Variants in C1QTNF12 observed in about 807,000 individuals in gnomAD.
The protein encoded by C1QTNF12 is adipolin.
C1QTNF12 carries 39 observed loss-of-function variants against 34.3 expected under a neutral mutation model. The ratio of observed to expected loss-of-function variants is 1.14; its 90% CI spans 0.88 to 1.49. The LOEUF is 1.49. Among genes scored for constraint, C1QTNF12 ranks in the 40% most tolerant of loss-of-function variants. The pLI is 0.00. For missense variants in C1QTNF12, 497 were observed against 424.7 expected, an observed-to-expected ratio of 1.17 and a Z score of -1.50; for synonymous variants, 220 against 196.9, an observed-to-expected ratio of 1.12 and a Z score of -0.98.
rs754852890 is a variant in C1QTNF12, at chr1:1,242,639, T to C, written c.818A>G (p.Gln273Arg). 1.3e-6 allele frequency: 2 copies of C among 1,590,886 alleles called. No individual in the cohort carries two copies. Among genetic ancestry groups the C allele is most frequent in the South Asian group, 1.1e-5 (1 of 88,148 alleles). Residue 273 changes from glutamine (Q) to arginine (R), a missense_variant, in exon 8 of 8, where the codon CAG (glutamine) becomes CGG (arginine). Gln to Arg is a conservative substitution (Grantham distance 43). Coordinates refer to ENST00000330388, the MANE Select transcript of C1QTNF12 (RefSeq NM_001014980.3). ...ATTGTCCACAAACACAGAAGCGTAC[T>C]GTCCAGCCTGTAAGAAGCACGGGGA... ...VQGLLQLQAG[Q>R]YASVFVDNGS...
At chr1:1,242,679 C>T in intron 7 of C1QTNF12, 33 bp from the exon 8 acceptor site, 1 of 1,571,676 alleles carries the variant, frequency 6.4e-7, no homozygotes, top group South Asian at 1.1e-5. Flanking sequence ...ACAACCGCAG[C>T]CACAGCCCAG....
In C1QTNF12 at chr1:1,244,061, G is replaced by A; in HGVS notation, c.424C>T (p.Pro142Ser). 1 of 1,598,122 alleles carries A rather than the reference G, an allele frequency of 6.3e-7. No homozygotes were observed. Among genetic ancestry groups the A allele is most frequent in the African/African-American group, 1.3e-5 (1 of 74,558 alleles). Residue 142 changes from proline to serine, a missense_variant, in exon 4 of 8, where the codon CCC becomes TCC. Transcript: ENST00000330388. ...RFSGLLDPLL[P>S]QGAGLRLVGE... is the part of the protein sequence containing the mutation. ...ACCAGCCGCAGGCCCGCCCCCTGGGGCAGCAGCGGGTCCAGAAGCCCTGAG... is the reference window on the plus strand; with the variant it reads ...ACCAGCCGCAGGCCCGCCCCCTGGGACAGCAGCGGGTCCAGAAGCCCTGAG...
intron 5 of C1QTNF12, 82 bp from the exon 6 acceptor site, chr1:1,243,234 A>G (rs950753849): frequency 1.8e-6 from 2 of 1,107,268 alleles, no homozygotes; most frequent in Non-Finnish European, 2.6e-6. Flanking sequence ...CACACATCCC[A>G]GGACAGGCCC....
Position 1,244,241 on chromosome 1 carries a change from G to C in C1QTNF12, c.329C>G (p.Ala110Gly), listed in dbSNP as rs1638820472. The C allele has an allele frequency of 6.3e-7, 1 of 1,598,038 alleles. No individual in the cohort carries two copies. Among genetic ancestry groups the C allele is most frequent in the Non-Finnish European group, 8.5e-7 (1 of 1,172,330 alleles). ...DLFGPPGPPG[A>G]EVTAETLLHE... Reference sequence around the variant, plus strand: ...AAGCAGAGTCTCCGCGGTCACTTCTGCACCTGGAGGTCCTGGGGGACCGAA... The same window carrying C: ...AAGCAGAGTCTCCGCGGTCACTTCTCCACCTGGAGGTCCTGGGGGACCGAA... The change falls in exon 3 of 8, where the codon GCA (alanine) becomes GGA (glycine). Residue 110 changes from alanine to glycine, a missense_variant. Physicochemically the swap from Ala to Gly is moderately conservative, Grantham distance 60 (BLOSUM62 0). Coordinates refer to ENST00000330388, the MANE Select transcript of C1QTNF12 (RefSeq NM_001014980.3).
At chr1:1,243,251 G>A in intron 5 of C1QTNF12, 99 bp from the exon 6 acceptor site, 1 of 1,073,374 alleles carries the variant, frequency 9.3e-7, no homozygotes, top group Non-Finnish European at 1.3e-6. Context: ...GCCCAGGAGT[G>A]GCTGCTGGGG....
chr1:1,244,461 G>A lies in C1QTNF12; in HGVS notation c.214C>T (p.His72Tyr), dbSNP rs746958331. The A allele has an allele frequency of 1.2e-6, 2 of 1,611,884 alleles. No individual in the cohort carries two copies. The highest frequency in any genetic ancestry group is 2.2e-5 in the South Asian group (2 of 91,086). ...CGGACAAAGTTCAGCCATGTCATGT[G>A]GGCGTCGGAGAACTCAGGTCCTGAG... ...QASGPEFSDA[H>Y]MTWLNFVRRP... Residue 72 changes from histidine to tyrosine, a missense_variant, in exon 2 of 8, where the codon CAC becomes TAC. Transcript: ENST00000330388.
chr1:1,244,571 G>T, intron 1 of C1QTNF12, 74 bp from the exon 2 acceptor site: 1 of 1,148,420 alleles, frequency 8.7e-7, no homozygotes, highest in Non-Finnish European at 1.3e-6. Flanking sequence ...GCAGCGGGGA[G>T]CACTCAGGGC....
At position 1,244,474 on chromosome 1, in the gene C1QTNF12, C is replaced by T; in HGVS notation, c.201G>A (p.Glu67=). The part of the protein sequence containing the change: ...APKPSQASGP[E]FSDAHMTWLN... ...GCCATGTCATGTGGGCGTCGGAGAA[C>T]TCAGGTCCTGAGGCCTGGGATGGCT... The change falls in exon 2 of 8, where the codon GAG becomes GAA. Residue 67 remains glutamate, a synonymous_variant. Transcript: ENST00000330388. 6.2e-7 allele frequency: 1 copy of T among 1,611,816 alleles called. No individual in the cohort carries two copies. Among genetic ancestry groups the T allele is most frequent in the Admixed American group, 1.7e-5 (1 of 59,974 alleles).
At chr1:1,244,706 G>A (rs902111577) in intron 1 of C1QTNF12, 2 of 559,952 alleles carry the variant, frequency 3.6e-6, no homozygotes, top group Non-Finnish European at 6.4e-6. Context: ...CACAGCCAGA[G>A]CCTGATGCCC....
Position 1,245,445 on chromosome 1 carries a change from TG to T in C1QTNF12, c.178-949del, listed in dbSNP as rs539386920. Among the ~76,000 whole-genome samples the T allele has an allele frequency of 4.3e-4, 65 of 150,234 alleles. No individual in the cohort carries two copies. In the South Asian group the frequency reaches 6.0e-3, roughly 14 times the overall value. On this transcript the variant is annotated intron_variant, in intron 1 of 7. Coordinates refer to ENST00000330388, the MANE Select transcript of C1QTNF12 (RefSeq NM_001014980.3). Reference sequence around the variant, plus strand: ...AGGCTGCAGGAGAACCGCCCAACCCTGGAAGCCTGGAGGGCCAGCCTGAGCA... The same window carrying T: ...AGGCTGCAGGAGAACCGCCCAACCCTGAAGCCTGGAGGGCCAGCCTGAGCA...
Position 1,246,471 on chromosome 1 carries a change from C to T in C1QTNF12, c.177+43G>A. ...GGAGGACGCCCCAGAGCCCCAGCTC[C>T]GAAGCTGCCCCGCGAGGGCCCACGT... On this transcript the variant is annotated intron_variant, in intron 1 of 7. Transcript: ENST00000330388. The surrounding 1 kb of genome is among the most constrained non-coding windows in gnomAD (Gnocchi z 4.5). The T allele has an allele frequency of 1.6e-6, 2 of 1,227,380 alleles. No homozygotes were observed. The highest frequency in any genetic ancestry group is 2.0e-6 in the Non-Finnish European group (2 of 984,390). The allele number at this position is 1,227,380 out of a possible 1,614,324, so 76.0% of individuals were successfully genotyped here. A position where few individuals can be genotyped will look rare whatever the true frequency, so the allele number is the denominator to read the frequency against.
intron 1 of C1QTNF12, 68 bp from the exon 2 acceptor site, chr1:1,244,565 C>T (rs544025057): frequency 5.5e-5 from 67 of 1,228,000 alleles, no homozygotes; most frequent in African/African-American, 1.6e-4. Flanking sequence ...CCCAGGGCAG[C>T]GGGGAGCACT....
At chr1:1,247,203 C>T (rs1035717414), upstream of C1QTNF12, among the ~76,000 whole-genome samples, 7 of 152,140 alleles carry the variant, frequency 4.6e-5, no homozygotes, top group African/African-American at 1.7e-4. Context: ...CTCAACCTGG[C>T]TCCCCTCACA....
At chr1:1,242,794 G>C in intron 7 of C1QTNF12, 41 bp downstream of exon 7, 1 of 1,605,950 alleles carries the variant, frequency 6.2e-7, no homozygotes, top group Non-Finnish European at 8.5e-7. Flanking sequence ...CCCAGCCCGA[G>C]TGCACCCGAG....
At chr1:1,243,849 C>A in intron 4 of C1QTNF12, 105 bp downstream of exon 4, 2 of 1,422,798 alleles carry the variant, frequency 1.4e-6, no homozygotes, top group South Asian at 1.3e-5. Flanking sequence ...CGCCCCCAGC[C>A]CCCAACCCAC....
At position 1,246,154 on chromosome 1, in the gene C1QTNF12, C is replaced by A. The variant is rs1638886377; in HGVS notation, c.177+360G>T. ...TCTGGTGAACCATCCAGCAAGCAGCCGGAACCACCCCACCCCCGCCCCCAA... is the reference window on the plus strand; with the variant it reads ...TCTGGTGAACCATCCAGCAAGCAGCAGGAACCACCCCACCCCCGCCCCCAA... On this transcript the variant is annotated intron_variant, in intron 1 of 7. Transcript: ENST00000330388. The surrounding 1 kb of genome is among the most constrained non-coding windows in gnomAD (Gnocchi z 4.5). Among the ~76,000 whole-genome samples the A allele has an allele frequency of 2.6e-5, 4 of 151,988 alleles. No individual in the cohort carries two copies. Among genetic ancestry groups the A allele is most frequent in the Admixed American group, 2.6e-4 (4 of 15,272 alleles).
In C1QTNF12 at chr1:1,244,475, T is replaced by C; in HGVS notation, c.200A>G (p.Glu67Gly). ...CCATGTCATGTGGGCGTCGGAGAAC[T>C]CAGGTCCTGAGGCCTGGGATGGCTG... ...APKPSQASGP[E>G]FSDAHMTWLN... The change falls in exon 2 of 8, where the codon GAG becomes GGG. Residue 67 changes from glutamate to glycine, a missense_variant. Physicochemically the swap from Glu to Gly is moderately conservative, Grantham distance 98. Transcript: ENST00000330388. 1 of 1,611,718 alleles carries C rather than the reference T, an allele frequency of 6.2e-7. No individual in the cohort carries two copies. The highest frequency in any genetic ancestry group is 8.5e-7 in the Non-Finnish European group (1 of 1,179,398).
chr1:1,243,498 G>T lies in C1QTNF12; in HGVS notation c.586C>A (p.Arg196=). 6.4e-7 allele frequency: 1 copy of T among 1,560,234 alleles called. No homozygotes were observed. The highest frequency in any genetic ancestry group is 1.2e-5 in the South Asian group (1 of 85,080). ...ATGCCGGACACGGGGGCCGTGAACC[G>T]ACCCGAGGCCAGGCTCAGACCGGAG... is the stretch of plus-strand genomic sequence containing the variant. ...RGSGLSLASG[R]FTAPVSGIFQ... Residue 196 remains arginine (R), a synonymous_variant, in exon 5 of 8, where the codon CGG becomes AGG. Transcript: ENST00000330388.
upstream of C1QTNF12, among the ~76,000 whole-genome samples, chr1:1,247,033 A>C (rs1638912647): frequency 6.6e-6 from 1 of 151,874 alleles, no homozygotes; most frequent in Non-Finnish European, 1.5e-5. Flanking sequence ...CCCGACGGCC[A>C]GGGACGGAGA....
Sources: gnomAD v4.1 joint callset for allele counts (sites outside exome capture counted in the v4.1 genomes callset) on GRCh38, gnomAD v4.1.1 for gene constraint, Gnocchi (gnomAD v3.1) non-coding constraint, MANE v1.5 for transcripts, NCBI Gene and HGNC (gene_info 2026-07-23, HGNC 2026-07-21) for gene names.